The following EVC2 variants were observed in gnomAD, a reference collection of about 807,000 sequenced individuals.
EVC2 encodes the protein limbin.
EVC2 carries 148 observed loss-of-function variants against 149.3 expected under a neutral mutation model. The observed-to-expected ratio is 0.99, with a 90% CI of 0.87 to 1.14. The LOEUF is 1.14. Ranked by LOEUF, EVC2 falls within the 50% of genes most tolerant of loss-of-function variation. EVC2 has a pLI of 0.00. For synonymous variants in EVC2, 776 were observed against 649.9 expected (o/e 1.19, Z -2.95); for missense variants, 1,854 against 1,627.3 (o/e 1.14, Z -2.40).
At chr4:5,558,097 C>G (rs1178053685), downstream of EVC2, among the ~76,000 whole-genome samples, 1 of 152,100 alleles carries the variant, frequency 6.6e-6, no homozygotes, top group Non-Finnish European at 1.5e-5. Flanking sequence ...GCCAAAAGAT[C>G]TACAGAGTCA....
intron 17 of EVC2, among the ~76,000 whole-genome samples, chr4:5,581,553 G>A (rs1193399011): frequency 6.6e-6 from 1 of 151,346 alleles, no homozygotes; most frequent in East Asian, 1.9e-4. Flanking sequence ...GGTATCTGCT[G>A]GAAGAAATAT....
downstream of EVC2, among the ~76,000 whole-genome samples, chr4:5,560,060 C>G (rs1265112400): frequency 6.6e-6 from 1 of 151,668 alleles, no homozygotes; most frequent in Non-Finnish European, 1.5e-5. The surrounding 1 kb of genome is among the most constrained non-coding windows in gnomAD (Gnocchi z 4.1). Context: ...TTGCATTTAC[C>G]AATTATTTAT....
chr4:5,576,686 T>A lies in EVC2; in HGVS notation c.3058-232A>T, dbSNP rs1722957089. ...CCTCCACCTGCAGTGCCTTTCTCTG[T>A]CTGCCTGACCAATCCCCAGTCTTCT... On this transcript the variant is annotated intron_variant, in intron 17 of 21. Transcript: ENST00000344408. This position sits in a 1 kb window ranked among gnomAD's most constrained non-coding sequence, Gnocchi z 4.5. Among the ~76,000 whole-genome samples, 3 of 152,188 alleles carry A rather than the reference T, an allele frequency of 2.0e-5. No individual in the cohort carries two copies. Among genetic ancestry groups the A allele is most frequent in the Non-Finnish European group, 4.4e-5 (3 of 68,028 alleles).
chr4:5,575,589 G>A (rs1722878122), intron 18 of EVC2, among the ~76,000 whole-genome samples: 3 of 152,182 alleles, frequency 2.0e-5, no homozygotes, highest in Non-Finnish European at 4.4e-5. Flanking sequence ...GTGTGCGTGT[G>A]TTTGCAAAAA....
At chr4:5,659,491 T>A (rs962724353) in intron 9 of EVC2, among the ~76,000 whole-genome samples, 7 of 151,238 alleles carry the variant, frequency 4.6e-5, no homozygotes, top group Admixed American at 6.6e-5. Context: ...AAATATTGAA[T>A]GTTGGGACGG....
At chr4:5,647,311 A>G (rs1717791187) in intron 9 of EVC2, among the ~76,000 whole-genome samples, 1 of 152,176 alleles carries the variant, frequency 6.6e-6, no homozygotes, top group Non-Finnish European at 1.5e-5. Flanking sequence ...GCCTCTGCAT[A>G]GTGTCACTAT....
At chr4:5,638,394 A>AT (rs1717042089) in intron 10 of EVC2, among the ~76,000 whole-genome samples, 2 of 132,084 alleles carry the variant, frequency 1.5e-5, no homozygotes, top group South Asian at 4.8e-4. Flanking sequence ...ATCTCAAAAA[A>AT]CAAAAAAAAA....
At chr4:5,675,898 C>G (rs746252957) in intron 7 of EVC2, among the ~76,000 whole-genome samples, 4 of 152,174 alleles carry the variant, frequency 2.6e-5, no homozygotes, top group Non-Finnish European at 4.4e-5. Flanking sequence ...GAGCCGAGAT[C>G]GCGCCATTGC....
chr4:5,697,404 C>T (rs1039815477), intron 2 of EVC2, among the ~76,000 whole-genome samples, 189 bp downstream of exon 2: 4 of 152,172 alleles, frequency 2.6e-5, no homozygotes, highest in Non-Finnish European at 4.4e-5. Context: ...TGTGCACTAA[C>T]GCTTCGGCCA....
rs551921701 is a variant in EVC2 at position 5,679,733 on chromosome 4, G to C, written c.870+1527C>G. ...GCTGCACCTATCAACCTGTCATCTAGGTTTTAAGCCCCACATGTAATTGCC... is the reference window on the plus strand; with the variant it reads ...GCTGCACCTATCAACCTGTCATCTACGTTTTAAGCCCCACATGTAATTGCC... On this transcript the variant is annotated intron_variant, in intron 7 of 21. Coordinates refer to ENST00000344408, the MANE Select transcript of EVC2 (RefSeq NM_147127.5). This position sits in a 1 kb window ranked among gnomAD's most constrained non-coding sequence, Gnocchi z 5.1. Among the ~76,000 whole-genome samples the C allele has an allele frequency of 1.3e-5, 2 of 152,050 alleles. No individual in the cohort carries two copies. Among genetic ancestry groups the C allele is most frequent in the East Asian group, 1.9e-4 (1 of 5,172 alleles).
At chr4:5,532,057 A>C in the EVC2 span, among the ~76,000 whole-genome samples, 42 of 152,218 alleles carry the variant, frequency 2.8e-4, no homozygotes, top group Non-Finnish European at 4.4e-4. Context: ...GGTTTAACTA[A>C]ATTTTTGATC....
At chr4:5,573,663 G>A (rs1209232949) in intron 19 of EVC2, among the ~76,000 whole-genome samples, 1 of 152,230 alleles carries the variant, frequency 6.6e-6, no homozygotes, top group Non-Finnish European at 1.5e-5. Flanking sequence ...AGGTAAGTTT[G>A]TAGCTGTGAT....
intron 9 of EVC2, among the ~76,000 whole-genome samples, chr4:5,641,760 A>T: frequency 6.6e-6 from 1 of 152,226 alleles, no homozygotes; most frequent in East Asian, 1.9e-4. Flanking sequence ...TAATGAAGGC[A>T]TTTAGTTATT....
chr4:5,693,948 T>G (rs973381123), intron 3 of EVC2, among the ~76,000 whole-genome samples: 5 of 152,188 alleles, frequency 3.3e-5, no homozygotes, highest in Non-Finnish European at 7.3e-5. Flanking sequence ...CAAGTGAGAT[T>G]ATACATAGAA....
At chr4:5,577,719 A>G (rs1723017363) in intron 17 of EVC2, among the ~76,000 whole-genome samples, 1 of 152,168 alleles carries the variant, frequency 6.6e-6, no homozygotes, top group Non-Finnish European at 1.5e-5. Flanking sequence ...AGAACCTTCT[A>G]TCCCCCCCAA....
chr4:5,597,059 CTG>C (rs1301646705), intron 16 of EVC2, among the ~76,000 whole-genome samples: 1 of 152,134 alleles, frequency 6.6e-6, no homozygotes, highest in Non-Finnish European at 1.5e-5. Flanking sequence ...GGCTCTGAAA[CTG>C]TGGCAATAAT....
intron 16 of EVC2, among the ~76,000 whole-genome samples, chr4:5,597,559 G>A (rs2108805655): frequency 6.6e-6 from 1 of 151,370 alleles, no homozygotes; most frequent in African/African-American, 2.4e-5. Flanking sequence ...GTATTGATGG[G>A]ACATATCTCA....
In EVC2 at chr4:5,677,082, A is replaced by T. The variant is rs1039256522; in HGVS notation, c.870+4178T>A. ...AGCTGTGCTGTTCTCATGTGTAAAT[A>T]ATAGTAATAATACTGCTGACGACAA... On this transcript the variant is annotated intron_variant, in intron 7 of 21. Coordinates refer to ENST00000344408, the MANE Select transcript of EVC2 (RefSeq NM_147127.5). This position sits in a 1 kb window ranked among gnomAD's most constrained non-coding sequence, Gnocchi z 4.3. Among the ~76,000 whole-genome samples the T allele has an allele frequency of 6.6e-6, 1 of 152,170 alleles. No homozygotes were observed. The highest frequency in any genetic ancestry group is 1.5e-5 in the Non-Finnish European group (1 of 68,032).
chr4:5,575,902 T>C (rs1490412166), intron 18 of EVC2, among the ~76,000 whole-genome samples: 2 of 152,314 alleles, frequency 1.3e-5, no homozygotes, highest in Non-Finnish European at 1.5e-5. Context: ...TCACATACCA[T>C]GATTATGTCA....
Sources: gnomAD v4.1 joint callset for allele counts (sites outside exome capture counted in the v4.1 genomes callset) on GRCh38, gnomAD v4.1.1 for gene constraint, Gnocchi (gnomAD v3.1) non-coding constraint, MANE v1.5 for transcripts, NCBI Gene and HGNC (gene_info 2026-07-23, HGNC 2026-07-21) for gene names.